The following SIPA1L2 variants were observed in gnomAD, a reference collection of about 807,000 sequenced individuals.
SIPA1L2 encodes the protein signal induced proliferation associated 1 like 2, also known as signal-induced proliferation-associated 1-like protein 2.
In SIPA1L2, 56 loss-of-function variants were observed where a neutral mutation model predicts 163.9. The observed-to-expected ratio is 0.34, with a 90% confidence interval of 0.28 to 0.43. The LOEUF (loss-of-function observed/expected upper bound fraction) is 0.43, where lower values mean the gene tolerates loss of function less well. SIPA1L2 is among the 20% of genes least tolerant of loss of function. The pLI, the probability that SIPA1L2 is intolerant of heterozygous loss-of-function variation, is 1.00. For synonymous variants in SIPA1L2, 877 were observed against 865.7 expected (o/e 1.01, Z -0.23); for missense variants, 1,974 against 2,193.5 (o/e 0.90, Z 2.00).
At chr1:232,434,317 G>A (rs1662422920) in intron 15 of SIPA1L2, among the ~76,000 whole-genome samples, 1 of 152,156 alleles carries the variant, frequency 6.6e-6, no homozygotes, top group African/African-American at 2.4e-5. Context: ...CCATTTTCAG[G>A]GTCTCTGCGT....
intron 2 of SIPA1L2, among the ~76,000 whole-genome samples, chr1:232,525,953 G>T: frequency 6.6e-6 from 1 of 152,190 alleles, no homozygotes; most frequent in East Asian, 1.9e-4. Flanking sequence ...CCATCTCACT[G>T]AGGAATAACT....
chr1:232,563,337 C>T (rs1211382234), intron 2 of SIPA1L2, among the ~76,000 whole-genome samples: 1 of 152,200 alleles, frequency 6.6e-6, no homozygotes, highest in East Asian at 1.9e-4. Flanking sequence ...TTTGTCTGAA[C>T]ACACAGCAAA....
chr1:232,469,013 C>G (rs1201680697), intron 8 of SIPA1L2, among the ~76,000 whole-genome samples: 1 of 152,182 alleles, frequency 6.6e-6, no homozygotes, highest in Non-Finnish European at 1.5e-5. Context: ...CTGCTGCGCT[C>G]ATGGGGGAGG....
rs12240036 is a variant in SIPA1L2, at chr1:232,457,478, C to T, written c.3095+3409G>A. Among the ~76,000 whole-genome samples the T allele has an allele frequency of 0.03, 4,549 of 152,190 alleles. 576 individuals are homozygous for T. In the East Asian group the frequency reaches 0.43, roughly 14 times the overall value. ...ATGTATATGTATATATACACACATA[C>T]ACACAGAAACACACACATGCATATA... On this transcript the variant is annotated intron_variant, in intron 10 of 22. Transcript: ENST00000674635.
chr1:232,501,942 T>A (rs912845889), intron 3 of SIPA1L2, among the ~76,000 whole-genome samples: 2 of 56,550 alleles, frequency 3.5e-5, no homozygotes, highest in African/African-American at 1.1e-4. Flanking sequence ...TCCCTGGAGC[T>A]TTTTTACTTT....
At chr1:232,551,591 G>C (rs142376139) in intron 2 of SIPA1L2, among the ~76,000 whole-genome samples, 134 of 152,356 alleles carry the variant, frequency 8.8e-4, no homozygotes, top group African/African-American at 2.8e-3. Flanking sequence ...AGGCCCCAGT[G>C]GGGGAGGTGA....
chr1:232,478,618 A>G (rs1665164227), intron 7 of SIPA1L2, among the ~76,000 whole-genome samples: 1 of 152,220 alleles, frequency 6.6e-6, no homozygotes, highest in Non-Finnish European at 1.5e-5. Context: ...GCTTTAATAT[A>G]TTTAGAGCAA....
At chr1:232,431,591 A>G (rs1407547050) in intron 16 of SIPA1L2, among the ~76,000 whole-genome samples, 1 of 152,220 alleles carries the variant, frequency 6.6e-6, no homozygotes, top group South Asian at 2.1e-4. Context: ...TAGCACGAGT[A>G]TTCTGTTAAG....
In SIPA1L2 at chr1:232,583,524, T is replaced by A. The variant is rs528632342; in HGVS notation, c.-318-9302A>T. Among the ~76,000 whole-genome samples, 4 of 152,302 alleles carry A rather than the reference T, an allele frequency of 2.6e-5. No homozygotes were observed. In the East Asian group the frequency reaches 7.7e-4, roughly 29 times the overall value. ...ACAGTGAAAACCATAGTGTCCTCCATTCTCTGTGTAGGCTGAATAAAGCTC... is the reference window on the plus strand; with the variant it reads ...ACAGTGAAAACCATAGTGTCCTCCAATCTCTGTGTAGGCTGAATAAAGCTC... On this transcript the variant is annotated intron_variant, in intron 1 of 22. Transcript: ENST00000674635.
intron 2 of SIPA1L2, among the ~76,000 whole-genome samples, chr1:232,543,830 T>G (rs931940412): frequency 3.3e-5 from 5 of 152,182 alleles, no homozygotes; most frequent in East Asian, 1.9e-4. Context: ...ATTACACCAC[T>G]GCACTCCAGA....
At chr1:232,484,085 A>G (rs1268558976) in intron 5 of SIPA1L2, 119 bp from the exon 6 acceptor site, 1 of 890,750 alleles carries the variant, frequency 1.1e-6, no homozygotes. Flanking sequence ...AACAATTCCC[A>G]TAAGTGAATA....
chr1:232,503,612 C>T (rs1159385889), intron 3 of SIPA1L2, among the ~76,000 whole-genome samples: 1 of 152,214 alleles, frequency 6.6e-6, no homozygotes, highest in Non-Finnish European at 1.5e-5. Flanking sequence ...TGCACCTGTA[C>T]CTTCCAGTCC....
chr1:232,544,248 C>T (rs1283850166), intron 2 of SIPA1L2, among the ~76,000 whole-genome samples: 2 of 152,110 alleles, frequency 1.3e-5, no homozygotes, highest in Admixed American at 6.5e-5. Context: ...GATTTAATGG[C>T]TATAATGACT....
At chr1:232,553,381 C>T (rs1573072880) in intron 2 of SIPA1L2, among the ~76,000 whole-genome samples, 1 of 151,902 alleles carries the variant, frequency 6.6e-6, no homozygotes, top group Non-Finnish European at 1.5e-5. Flanking sequence ...GGGTACAGGA[C>T]GGGGGGGCGT....
At chr1:232,501,073 T>TTTTTC (rs71173222) in intron 3 of SIPA1L2, among the ~76,000 whole-genome samples, 2 of 136,002 alleles carry the variant, frequency 1.5e-5, no homozygotes, top group African/African-American at 2.9e-5. Context: ...TTTTTTTTTT[T>TTTTTC]GTGAGACAGA....
At chr1:232,406,078 A>G (rs1169559715) in intron 19 of SIPA1L2, among the ~76,000 whole-genome samples, 2 of 152,232 alleles carry the variant, frequency 1.3e-5, no homozygotes, top group African/African-American at 4.8e-5. Context: ...AGAGGATGCT[A>G]TTTGATTAAG....
In SIPA1L2 at chr1:232,490,856, A is replaced by C; in HGVS notation, c.1806+18T>G. 4 of 1,589,776 alleles carry C rather than the reference A, an allele frequency of 2.5e-6. No individual in the cohort carries two copies. In the South Asian group the frequency reaches 4.6e-5, roughly 18 times the overall value. On this transcript the variant is annotated intron_variant, in intron 5 of 22. Coordinates refer to ENST00000674635, the MANE Select transcript of SIPA1L2 (RefSeq NM_020808.5). ...ACACAAATTCACACACAAACATACAATCTCACATTATACACACCCCTTGTT... is the reference window on the plus strand; with the variant it reads ...ACACAAATTCACACACAAACATACACTCTCACATTATACACACCCCTTGTT...
At chr1:232,476,038 G>A (rs80163713) in intron 7 of SIPA1L2, among the ~76,000 whole-genome samples, 375 of 152,250 alleles carry the variant, frequency 2.5e-3, no homozygotes, top group African/African-American at 8.4e-3. Flanking sequence ...TTATGTATAG[G>A]TGAACCCAAG....
chr1:232,430,668 C>T (rs757117444), intron 16 of SIPA1L2, among the ~76,000 whole-genome samples: 8 of 152,196 alleles, frequency 5.3e-5, no homozygotes, highest in Non-Finnish European at 8.8e-5. Flanking sequence ...GCACCTGCTC[C>T]ATCTGCCAGG....
Sources: gnomAD v4.1 joint callset for allele counts (sites outside exome capture counted in the v4.1 genomes callset) on GRCh38, gnomAD v4.1.1 for gene constraint, MANE v1.5 for transcripts, NCBI Gene and HGNC (gene_info 2026-07-23, HGNC 2026-07-21) for gene names.